The following OXR1 variants were observed in gnomAD, a reference collection of about 807,000 sequenced individuals.
OXR1 encodes the protein oxidation resistance protein 1.
Under a neutral mutation model 104.6 loss-of-function variants are expected in OXR1, and 41 were observed. That is an observed-to-expected ratio of 0.39 (90% CI 0.31 to 0.51). OXR1 has a LOEUF of 0.51. Ranked by LOEUF, OXR1 falls within the 20% of genes least tolerant of loss-of-function variation. The pLI is 0.77. For missense variants in OXR1, 955 were observed against 1,031.9 expected, an observed-to-expected ratio of 0.93 and a Z score of 1.02; for synonymous variants, 348 against 348.4, an observed-to-expected ratio of 1.00 and a Z score of 0.01.
chr8:106,275,129 T>C (rs1811984092), intron 1 of OXR1, among the ~76,000 whole-genome samples: 3 of 152,208 alleles, frequency 2.0e-5, no homozygotes. Flanking sequence ...TTGAAAAGAC[T>C]TCAGAACATA....
chr8:106,351,704 G>A (rs1207796015), intron 1 of OXR1, among the ~76,000 whole-genome samples: 1 of 152,102 alleles, frequency 6.6e-6, no homozygotes, highest in Non-Finnish European at 1.5e-5. Context: ...TTACTGCGAG[G>A]GCAATATAGA....
intron 2 of OXR1, among the ~76,000 whole-genome samples, chr8:106,484,311 C>T (rs1245475789): frequency 1.3e-5 from 2 of 151,978 alleles, no homozygotes; most frequent in African/African-American, 4.8e-5. Context: ...AATGTTTCTA[C>T]CATAAAGAAA....
At chr8:106,349,807 A>G (rs1815648404) in intron 1 of OXR1, among the ~76,000 whole-genome samples, 1 of 152,172 alleles carries the variant, frequency 6.6e-6, no homozygotes, top group Non-Finnish European at 1.5e-5. Context: ...ACACGTCAAC[A>G]TCCTATGAGC....
chr8:106,368,397 T>G (rs1367032701), intron 2 of OXR1, among the ~76,000 whole-genome samples: 2 of 152,106 alleles, frequency 1.3e-5, no homozygotes, highest in African/African-American at 4.8e-5. Flanking sequence ...TTGTTTTGTT[T>G]TATTGCATTT....
At chr8:106,659,162 G>T (rs1449519277) in intron 3 of OXR1, among the ~76,000 whole-genome samples, 2 of 152,098 alleles carry the variant, frequency 1.3e-5, no homozygotes, top group African/African-American at 2.4e-5. Flanking sequence ...GTCTCGCTGT[G>T]TTGCCCAGGC....
intron 1 of OXR1, among the ~76,000 whole-genome samples, chr8:106,298,040 C>T (rs186917023): frequency 3.9e-5 from 6 of 152,206 alleles, no homozygotes; most frequent in East Asian, 1.9e-4. Context: ...CAATAAAATT[C>T]GGCTGGTAGT....
chr8:106,394,130 G>C (rs1817686478), intron 2 of OXR1, among the ~76,000 whole-genome samples: 1 of 151,860 alleles, frequency 6.6e-6, no homozygotes, highest in South Asian at 2.1e-4. Flanking sequence ...AGCATTTTCA[G>C]CTGCAACATT....
chr8:106,604,127 T>C (rs1480341643), intron 3 of OXR1, among the ~76,000 whole-genome samples: 1 of 152,126 alleles, frequency 6.6e-6, no homozygotes, highest in Non-Finnish European at 1.5e-5. Flanking sequence ...GAAAACTTTT[T>C]AAAAAGCAGG....
intron 2 of OXR1, among the ~76,000 whole-genome samples, chr8:106,419,178 C>G (rs942456928): frequency 1.3e-5 from 2 of 152,146 alleles, no homozygotes; most frequent in Non-Finnish European, 2.9e-5. Flanking sequence ...GTTGTGACTG[C>G]TGTGAGTGCT....
At chr8:106,672,049 A>G (rs1406338494) in intron 3 of OXR1, among the ~76,000 whole-genome samples, 2 of 150,142 alleles carry the variant, frequency 1.3e-5, no homozygotes, top group African/African-American at 4.9e-5. Context: ...TATCTCTGGG[A>G]TGACCACTAA....
chr8:106,479,177 T>C (rs1821969258), intron 2 of OXR1, among the ~76,000 whole-genome samples: 1 of 152,004 alleles, frequency 6.6e-6, no homozygotes, highest in African/African-American at 2.4e-5. Context: ...GCTTTTTGGA[T>C]CTAAATATTG....
At chr8:106,437,393 T>C (rs2130579142) in intron 2 of OXR1, among the ~76,000 whole-genome samples, 1 of 152,306 alleles carries the variant, frequency 6.6e-6, no homozygotes, top group Non-Finnish European at 1.5e-5. Context: ...AAATAAAGGA[T>C]ATTTAGCATA....
intron 2 of OXR1, among the ~76,000 whole-genome samples, chr8:106,477,238 G>C (rs1821855381): frequency 6.6e-6 from 1 of 151,924 alleles, no homozygotes. Flanking sequence ...AGAACCATGA[G>C]AAATCACTTT....
chr8:106,704,393 CTTTTTTTTTTTTTTTT>C (rs71307084), intron 8 of OXR1, among the ~76,000 whole-genome samples: 644 of 47,996 alleles, frequency 0.013, 15 homozygotes, highest in African/African-American at 0.06. Flanking sequence ...CTTTCTTCTT[CTTTTTTTTTTTTTTTT>C]TTTTTTTTTT....
At chr8:106,495,106 A>G (rs1811331014) in intron 2 of OXR1, among the ~76,000 whole-genome samples, 1 of 151,984 alleles carries the variant, frequency 6.6e-6, no homozygotes, top group East Asian at 1.9e-4. Context: ...GAATATAGGT[A>G]TTGGTAATAT....
At chr8:106,432,219 C>A (rs1017059272) in intron 2 of OXR1, among the ~76,000 whole-genome samples, 8 of 152,172 alleles carry the variant, frequency 5.3e-5, no homozygotes, top group Non-Finnish European at 1.5e-5. Context: ...ATCAGTGCAA[C>A]ACTACTCCAT....
chr8:106,506,375 AG>A (rs1812160824), intron 2 of OXR1, among the ~76,000 whole-genome samples: 3 of 152,162 alleles, frequency 2.0e-5, no homozygotes, highest in Admixed American at 2.0e-4. Context: ...GCACTTTGGG[AG>A]GCCAAGGTGG....
chr8:106,388,366 G>A (rs1817460169), intron 2 of OXR1, among the ~76,000 whole-genome samples: 1 of 151,974 alleles, frequency 6.6e-6, no homozygotes, highest in African/African-American at 2.4e-5. Flanking sequence ...CCTTGCCTTT[G>A]GCCTAATACT....
chr8:106,298,564 C>T (rs998215614), intron 1 of OXR1, among the ~76,000 whole-genome samples: 1 of 151,924 alleles, frequency 6.6e-6, no homozygotes, highest in Admixed American at 6.6e-5. Flanking sequence ...TCTATAATGC[C>T]GATGTTTTCT....
Sources: allele counts gnomAD v4.1 joint callset (sites outside exome capture counted in the v4.1 genomes callset), GRCh38; gene constraint gnomAD v4.1.1; transcripts MANE v1.5; gene names NCBI Gene and HGNC (gene_info 2026-07-23, HGNC 2026-07-21).